Variants in CDH12 observed in about 807,000 individuals in gnomAD.
The protein encoded by CDH12 is cadherin-12.
A neutral mutation model predicts 74.1 loss-of-function variants in CDH12; 41 were observed. The observed-to-expected ratio is 0.55, with a 90% CI of 0.43 to 0.72. The LOEUF is 0.72. Among genes scored for constraint, CDH12 ranks in the 30% least tolerant of loss-of-function variants. The pLI, the probability that CDH12 is intolerant of heterozygous loss-of-function variation, is 0.00. For missense variants in CDH12, 945 were observed against 977.2 expected (o/e 0.97, Z 0.44); for synonymous variants, 399 against 355.0 (o/e 1.12, Z -1.39).
At chr5:22,726,281 T>C (rs1561605711) in intron 1 of CDH12, among the ~76,000 whole-genome samples, 1 of 151,754 alleles carries the variant, frequency 6.6e-6, no homozygotes, top group African/African-American at 2.4e-5. Context: ...TGTCATATGG[T>C]TGGAATTATA....
At chr5:22,692,887 C>A (rs1742158074) in intron 1 of CDH12, among the ~76,000 whole-genome samples, 1 of 151,662 alleles carries the variant, frequency 6.6e-6, no homozygotes, top group African/African-American at 2.4e-5. Flanking sequence ...TTTCTTTATT[C>A]TCATGATGAA....
intron 1 of CDH12, among the ~76,000 whole-genome samples, chr5:22,752,822 C>T (rs993838918): frequency 4.0e-5 from 6 of 151,722 alleles, no homozygotes; most frequent in Non-Finnish European, 8.8e-5. Context: ...GATCCGCCCG[C>T]CTCGGCCTCC....
chr5:22,042,138 A>G (rs1739617971), intron 5 of CDH12, among the ~76,000 whole-genome samples: 1 of 152,176 alleles, frequency 6.6e-6, no homozygotes, highest in South Asian at 2.1e-4. Context: ...ACCAAAACTT[A>G]CAGGAAACAT....
At chr5:22,640,795 T>A (rs1042960937) in intron 1 of CDH12, among the ~76,000 whole-genome samples, 56 of 152,304 alleles carry the variant, frequency 3.7e-4, no homozygotes, top group South Asian at 6.2e-4. Flanking sequence ...CACGCATTGT[T>A]ATGTCTTGCT....
chr5:22,332,203 A>G (rs1171070815), intron 3 of CDH12, among the ~76,000 whole-genome samples: 1 of 152,180 alleles, frequency 6.6e-6, no homozygotes, highest in Non-Finnish European at 1.5e-5. Context: ...AGGCTACCTC[A>G]AGGCATTTAA....
Position 22,330,433 on chromosome 5 carries a change from G to A in CDH12, c.-333+74824C>T, listed in dbSNP as rs1443506110. Among the ~76,000 whole-genome samples, 9 of 152,136 alleles carry A rather than the reference G, an allele frequency of 5.9e-5. No individual in the cohort carries two copies. The East Asian group carries it at 1.6e-3, about 26-fold the overall frequency. ...ACCCAGAACATTCCCAGCTGTGGAGGATATGGTGAAAGACTCCCTATATTA... is the reference window on the plus strand; with the variant it reads ...ACCCAGAACATTCCCAGCTGTGGAGAATATGGTGAAAGACTCCCTATATTA... On this transcript the variant is annotated intron_variant, in intron 3 of 14. Coordinates refer to ENST00000382254, the MANE Select transcript of CDH12 (RefSeq NM_004061.5).
chr5:22,067,699 G>C (rs1329785121), intron 5 of CDH12, among the ~76,000 whole-genome samples: 1 of 152,080 alleles, frequency 6.6e-6, no homozygotes, highest in South Asian at 2.1e-4. Flanking sequence ...TAGGATTTGG[G>C]GACAAAGCCT....
chr5:22,218,968 A>T (rs750563253), intron 3 of CDH12, among the ~76,000 whole-genome samples: 21 of 151,768 alleles, frequency 1.4e-4, no homozygotes, highest in Non-Finnish European at 3.1e-4. Context: ...ATATTTTAAG[A>T]CAACTTTAAA....
chr5:21,755,458 T>C lies in CDH12; in HGVS notation c.1885+133A>G, dbSNP rs1410709618. The C allele has an allele frequency of 4.6e-5, 32 of 691,124 alleles. 1 individual carries two copies. Among genetic ancestry groups the C allele is most frequent in the South Asian group, 2.2e-4 (11 of 50,646 alleles). The allele number at this position is 691,124 out of a possible 1,614,324, so 42.8% of individuals were successfully genotyped here. A position where few individuals can be genotyped will look rare whatever the true frequency, so the allele number is the denominator to read the frequency against. Reference sequence around the variant, plus strand: ...AATTCAATACACATAGATTATCTTCTAGCTAGGTATGACATGTCAATGAAT... The same window carrying C: ...AATTCAATACACATAGATTATCTTCCAGCTAGGTATGACATGTCAATGAAT... On this transcript the variant is annotated intron_variant, in intron 14 of 14. Coordinates refer to ENST00000382254, the MANE Select transcript of CDH12 (RefSeq NM_004061.5).
intron 3 of CDH12, among the ~76,000 whole-genome samples, chr5:22,220,180 T>C (rs1313185409): frequency 3.3e-5 from 5 of 151,898 alleles, no homozygotes; most frequent in East Asian, 1.9e-4. Flanking sequence ...GAGAGCAACA[T>C]TGACATTTGT....
chr5:22,697,571 C>A (rs947902034), intron 1 of CDH12, among the ~76,000 whole-genome samples: 2,112 of 101,436 alleles, frequency 0.021, no homozygotes, highest in South Asian at 0.031. Flanking sequence ...GACTCTGTCT[C>A]AAAAAAAAAA....
intron 6 of CDH12, among the ~76,000 whole-genome samples, chr5:21,885,194 C>G (rs1215673927): frequency 6.6e-6 from 1 of 152,034 alleles, no homozygotes; most frequent in East Asian, 1.9e-4. Context: ...GGCAAAAGGC[C>G]CTGTTTTAAG....
intron 3 of CDH12, among the ~76,000 whole-genome samples, chr5:22,274,369 A>G (rs1223836222): frequency 6.6e-6 from 1 of 152,148 alleles, no homozygotes; most frequent in African/African-American, 2.4e-5. Context: ...CTAATTAAAC[A>G]TAGATTTAGC....
At chr5:22,283,227 T>C (rs1443344618) in intron 3 of CDH12, among the ~76,000 whole-genome samples, 6 of 41,808 alleles carry the variant, frequency 1.4e-4, no homozygotes, top group African/African-American at 7.1e-4. Context: ...GATATATATA[T>C]ATATATATAT....
At chr5:22,234,583 CTT>C (rs747291648) in intron 3 of CDH12, among the ~76,000 whole-genome samples, 2 of 140,720 alleles carry the variant, frequency 1.4e-5, no homozygotes, top group Admixed American at 7.2e-5. Flanking sequence ...TTTTGTTTTG[CTT>C]TTTTTTTTTT....
chr5:22,123,703 C>T (rs749074145), intron 4 of CDH12, among the ~76,000 whole-genome samples: 19 of 152,148 alleles, frequency 1.2e-4, no homozygotes, highest in South Asian at 6.2e-4. Context: ...CTCTGTCCTA[C>T]GCGATTTTGC....
intron 3 of CDH12, among the ~76,000 whole-genome samples, chr5:22,292,404 T>C (rs149836467): frequency 7.7e-4 from 110 of 142,652 alleles, no homozygotes; most frequent in African/African-American, 2.7e-3. Flanking sequence ...TGGGATTACA[T>C]AAAACTTAAA....
intron 4 of CDH12, among the ~76,000 whole-genome samples, chr5:22,195,958 A>G (rs1406694294): frequency 1.3e-5 from 2 of 152,136 alleles, no homozygotes; most frequent in Non-Finnish European, 2.9e-5. Flanking sequence ...AGAGTCATAT[A>G]TACATATTAA....
At chr5:22,639,287 A>T (rs1476979266) in intron 1 of CDH12, among the ~76,000 whole-genome samples, 1 of 151,990 alleles carries the variant, frequency 6.6e-6, no homozygotes, top group Non-Finnish European at 1.5e-5. Flanking sequence ...AGAGGAGTGC[A>T]AGCAGTAAAG....
Sources: allele counts gnomAD v4.1 joint callset (sites outside exome capture counted in the v4.1 genomes callset), GRCh38; gene constraint gnomAD v4.1.1; transcripts MANE v1.5; gene names NCBI Gene and HGNC (gene_info 2026-07-23, HGNC 2026-07-21).